The following NLGN1 variants were observed in gnomAD, a reference collection of about 807,000 sequenced individuals.
NLGN1 encodes the protein neuroligin-1.
In NLGN1, 12 loss-of-function variants were observed where a neutral mutation model predicts 65.5. The observed-to-expected ratio is 0.18, with a 90% confidence interval of 0.12 to 0.30. The LOEUF (loss-of-function observed/expected upper bound fraction) is 0.30, where lower values mean the gene tolerates loss of function less well. Ranked by LOEUF, NLGN1 falls within the 10% of genes least tolerant of loss-of-function variation. The probability of loss-of-function intolerance (pLI) is 1.00; values close to 1 mark genes in which losing one functional copy is unlikely to be tolerated. For missense variants in NLGN1, 750 were observed against 1,007.1 expected, an observed-to-expected ratio of 0.74 and a Z score of 3.46; for synonymous variants, 350 against 359.5, an observed-to-expected ratio of 0.97 and a Z score of 0.30.
At chr3:174,025,751 T>A (rs1383796196) in intron 4 of NLGN1, among the ~76,000 whole-genome samples, 1 of 152,170 alleles carries the variant, frequency 6.6e-6, no homozygotes, top group Non-Finnish European at 1.5e-5. Flanking sequence ...TATGCACTGT[T>A]GATAGGAAAG....
chr3:173,678,620 G>GCC (rs1243872778), intron 3 of NLGN1, among the ~76,000 whole-genome samples: 2 of 152,160 alleles, frequency 1.3e-5, no homozygotes, highest in African/African-American at 2.4e-5. Context: ...TAAAGAAGTT[G>GCC]AAGAAGCAGC....
intron 4 of NLGN1, among the ~76,000 whole-genome samples, chr3:173,979,267 A>T (rs1208232751): frequency 1.3e-5 from 2 of 152,080 alleles, no homozygotes; most frequent in Non-Finnish European, 2.9e-5. Flanking sequence ...AGCTAAAGGA[A>T]AAAGTGGGAT....
At chr3:174,210,209 C>A (rs1736198416) in intron 4 of NLGN1, among the ~76,000 whole-genome samples, 1 of 152,144 alleles carries the variant, frequency 6.6e-6, no homozygotes, top group Non-Finnish European at 1.5e-5. Flanking sequence ...TTTGTCATAT[C>A]CCCTTGTTTG....
intron 2 of NLGN1, among the ~76,000 whole-genome samples, chr3:173,583,693 C>A (rs1746774228): frequency 6.6e-6 from 1 of 152,124 alleles, no homozygotes; most frequent in East Asian, 1.9e-4. Context: ...TTCTCTGGAG[C>A]CTGTCGGAAA....
chr3:173,889,767 G>T lies in NLGN1; in HGVS notation c.646+81935G>T, dbSNP rs1399851989. On this transcript the variant is annotated intron_variant, in intron 4 of 6. Coordinates refer to ENST00000457714, the Ensembl canonical transcript of NLGN1. ...ACTAGTTGTACCGGTTGAGAAAGCT[G>T]TTTAATTCAGATGCATCCAAAAAAT... is the stretch of plus-strand genomic sequence containing the variant. 6.0e-5 allele frequency among the ~76,000 whole-genome samples: 9 copies of T among 149,882 alleles called. No homozygotes were observed. In the South Asian group the frequency reaches 1.7e-3, roughly 28 times the overall value.
intron 3 of NLGN1, among the ~76,000 whole-genome samples, chr3:173,638,048 C>T (rs1472341363): frequency 1.3e-5 from 2 of 152,134 alleles, no homozygotes; most frequent in Non-Finnish European, 2.9e-5. Context: ...ACTTTTCCTC[C>T]ATCTCCCAGA....
At chr3:173,850,129 T>A (rs1354497551) in intron 4 of NLGN1, among the ~76,000 whole-genome samples, 1 of 151,984 alleles carries the variant, frequency 6.6e-6, no homozygotes, top group Non-Finnish European at 1.5e-5. Context: ...TCAGAAATAG[T>A]TTGGTGGACA....
At chr3:173,730,347 G>C (rs1488566004) in intron 3 of NLGN1, among the ~76,000 whole-genome samples, 1 of 131,712 alleles carries the variant, frequency 7.6e-6, no homozygotes, top group Non-Finnish European at 1.6e-5. Flanking sequence ...AAAATAGAAT[G>C]AAAGCTACAA....
chr3:173,412,041 T>C (rs1001002013), intron 1 of NLGN1, among the ~76,000 whole-genome samples: 6 of 152,194 alleles, frequency 3.9e-5, no homozygotes, highest in African/African-American at 1.4e-4. Flanking sequence ...CTCTCTCACT[T>C]GAAATATTTG....
intron 4 of NLGN1, among the ~76,000 whole-genome samples, chr3:174,271,434 C>G (rs1273680152): frequency 6.6e-6 from 1 of 151,878 alleles, no homozygotes; most frequent in Non-Finnish European, 1.5e-5. Flanking sequence ...TCCTTTCACA[C>G]TCCTTAGGGT....
rs189684292 is a variant in NLGN1, at chr3:174,185,303, T to C, written c.647-90012T>C. ...GTTCACTCCTCCTCATCCCACACAT[T>C]GTCTAAATCAGCAGTGACCAACAGA... On this transcript the variant is annotated intron_variant, in intron 4 of 6. Coordinates refer to ENST00000457714, the Ensembl canonical transcript of NLGN1. Among the ~76,000 whole-genome samples, 28 of 152,232 alleles carry C rather than the reference T, an allele frequency of 1.8e-4. 1 individual carries two copies. In the East Asian group the frequency reaches 5.2e-3, roughly 28 times the overall value.
intron 3 of NLGN1, among the ~76,000 whole-genome samples, chr3:173,675,482 C>A (rs1186708299): frequency 6.6e-6 from 1 of 151,844 alleles, no homozygotes; most frequent in Non-Finnish European, 1.5e-5. Flanking sequence ...GAAGTCTTTA[C>A]GTAAAATAAT....
At chr3:174,233,594 AC>A (rs1436726577) in intron 4 of NLGN1, among the ~76,000 whole-genome samples, 1 of 152,142 alleles carries the variant, frequency 6.6e-6, no homozygotes, top group Non-Finnish European at 1.5e-5. Flanking sequence ...TTGTGTGATA[AC>A]ATCAAGGTTG....
chr3:174,083,309 A>G, intron 4 of NLGN1, among the ~76,000 whole-genome samples: 1 of 152,130 alleles, frequency 6.6e-6, no homozygotes. Context: ...TAAAATGGGT[A>G]TATACAAATA....
intron 4 of NLGN1, among the ~76,000 whole-genome samples, chr3:174,113,606 A>T (rs532053114): frequency 2.2e-4 from 34 of 152,166 alleles, no homozygotes; most frequent in African/African-American, 7.2e-4. Flanking sequence ...GCCATTCATT[A>T]GCTGTGTGTC....
chr3:173,712,819 A>T (rs111745748), intron 3 of NLGN1, among the ~76,000 whole-genome samples: 1 of 111,498 alleles, frequency 9.0e-6, no homozygotes, highest in Non-Finnish European at 2.2e-5. Flanking sequence ...TAAAGATAAA[A>T]AAATATACAG....
At chr3:173,988,464 T>C (rs146778325) in intron 4 of NLGN1, among the ~76,000 whole-genome samples, 1 of 152,276 alleles carries the variant, frequency 6.6e-6, no homozygotes, top group African/African-American at 2.4e-5. Context: ...TTTAAGGGTT[T>C]CCTATAGCCA....
chr3:173,777,682 C>A, intron 3 of NLGN1, among the ~76,000 whole-genome samples: 1 of 150,800 alleles, frequency 6.6e-6, no homozygotes, highest in African/African-American at 2.4e-5. Context: ...TCTATCCATC[C>A]CATTTTTAGA....
intron 3 of NLGN1, among the ~76,000 whole-genome samples, chr3:173,688,669 G>T (rs531257369): frequency 6.6e-6 from 1 of 152,158 alleles, no homozygotes; most frequent in Non-Finnish European, 1.5e-5. Context: ...ACTTCAACTG[G>T]ATGTATAAGA....
Sources: gnomAD v4.1 joint callset for allele counts (sites outside exome capture counted in the v4.1 genomes callset) on GRCh38, gnomAD v4.1.1 for gene constraint, MANE v1.5 for transcripts, NCBI Gene and HGNC (gene_info 2026-07-23, HGNC 2026-07-21) for gene names.